GAK: variants seen among roughly 807,000 people sequenced by gnomAD.
The protein encoded by GAK is cyclin G associated kinase.
GAK carries 79 observed loss-of-function variants against 143.9 expected under a neutral mutation model. The ratio of observed to expected loss-of-function variants is 0.55; its 90% CI spans 0.46 to 0.66. The LOEUF (loss-of-function observed/expected upper bound fraction) is 0.66. Ranked by LOEUF, GAK falls within the 30% of genes least tolerant of loss-of-function variation. GAK has a pLI of 0.00. For synonymous variants in GAK, 881 were observed against 765.5 expected, an observed-to-expected ratio of 1.15 and a Z score of -2.49; for missense variants, 1,693 against 1,779.7, an observed-to-expected ratio of 0.95 and a Z score of 0.88.
At chr4:930,893 G>C (rs565367489) in intron 1 of GAK, among the ~76,000 whole-genome samples, 12 of 152,290 alleles carry the variant, frequency 7.9e-5, no homozygotes, top group African/African-American at 2.4e-4. Flanking sequence ...ATAGTCTCCT[G>C]TCTGGTCACA....
At chr4:913,169 G>C (rs1432362753) in intron 2 of GAK, among the ~76,000 whole-genome samples, 3 of 152,262 alleles carry the variant, frequency 2.0e-5, no homozygotes, top group Admixed American at 2.0e-4. Flanking sequence ...CTGGTGCCCA[G>C]CGTGGTGACA....
At chr4:914,322 C>T (rs1330148718) in intron 1 of GAK, among the ~76,000 whole-genome samples, 1 of 123,496 alleles carries the variant, frequency 8.1e-6, no homozygotes, top group East Asian at 2.6e-4. Context: ...CACACACAGC[C>T]TCAGCGTGCC....
intron 24 of GAK, 131 bp from the exon 25 acceptor site, chr4:852,105 G>T: frequency 2.5e-6 from 2 of 805,072 alleles, no homozygotes; most frequent in Non-Finnish European, 4.1e-6. Flanking sequence ...ACTCGAGGCC[G>T]TCCAGAGGTG....
At chr4:854,524 C>T (rs1200533402) in intron 24 of GAK, among the ~76,000 whole-genome samples, 2 of 152,184 alleles carry the variant, frequency 1.3e-5, no homozygotes, top group Non-Finnish European at 2.9e-5. Context: ...TTCTGTAGAA[C>T]GAGGGCTTAG....
chr4:865,630 A>G (rs963065049), intron 22 of GAK, among the ~76,000 whole-genome samples: 5 of 152,134 alleles, frequency 3.3e-5, no homozygotes, highest in African/African-American at 1.2e-4. Flanking sequence ...CGGCAGACAG[A>G]GGGCCCAGCA....
At chr4:862,084 G>C (rs1750382960) in intron 23 of GAK, among the ~76,000 whole-genome samples, 1 of 152,026 alleles carries the variant, frequency 6.6e-6, no homozygotes, top group South Asian at 2.1e-4. Context: ...GCACCCGCCA[G>C]ACTCTCCATG....
chr4:883,409 T>C lies in GAK; in HGVS notation c.1310A>G (p.Asp437Gly). ...VESALKNNIE[D>G]VRLFLDSKHP... ...CTTGGAGTCCAGGAACAACCGCACATCTTCGATGTTGTTTTTGAGCGCTGA... is the reference window on the plus strand; with the variant it reads ...CTTGGAGTCCAGGAACAACCGCACACCTTCGATGTTGTTTTTGAGCGCTGA... Residue 437 changes from aspartate to glycine, a missense_variant, in exon 13 of 28, where the codon GAT becomes GGT. Asp to Gly is a moderately conservative substitution (Grantham distance 94). Transcript: ENST00000314167. 1 of 1,613,788 alleles carries C rather than the reference T, an allele frequency of 6.2e-7. No homozygotes were observed. Among genetic ancestry groups the C allele is most frequent in the Non-Finnish European group, 8.5e-7 (1 of 1,179,998 alleles).
chr4:929,917 C>T (rs553164298), intron 1 of GAK, among the ~76,000 whole-genome samples: 43 of 152,302 alleles, frequency 2.8e-4, no homozygotes, highest in South Asian at 1.2e-3. Context: ...CTTTAATTAT[C>T]CCACAGTGAG....
At chr4:856,724 TCAC>T (rs1326485166) in intron 24 of GAK, among the ~76,000 whole-genome samples, 2 of 150,882 alleles carry the variant, frequency 1.3e-5, no homozygotes, top group Non-Finnish European at 2.9e-5. Context: ...CCACAGCTGC[TCAC>T]CACAGCTGCT....
intron 19 of GAK, chr4:869,039 C>A (rs1711712449): frequency 1.1e-5 from 3 of 270,792 alleles, no homozygotes; most frequent in Non-Finnish European, 1.4e-5. Flanking sequence ...CACAGGCGCA[C>A]AGTACACACA....
intron 15 of GAK, among the ~76,000 whole-genome samples, chr4:880,636 C>T (rs1714904993): frequency 1.3e-5 from 2 of 152,232 alleles, no homozygotes; most frequent in South Asian, 4.1e-4. Flanking sequence ...CTCTTTCTGG[C>T]CTCCTTCTCT....
At chr4:862,383 T>C (rs773223335) in intron 23 of GAK, among the ~76,000 whole-genome samples, 1 of 152,116 alleles carries the variant, frequency 6.6e-6, no homozygotes, top group African/African-American at 2.4e-5. Flanking sequence ...CCGGCTGAGA[T>C]CACTGATGAT....
At chr4:922,721 G>A (rs1470546272) in intron 1 of GAK, among the ~76,000 whole-genome samples, 1 of 152,058 alleles carries the variant, frequency 6.6e-6, no homozygotes, top group African/African-American at 2.4e-5. Flanking sequence ...GGAATGTATG[G>A]CCACTCAAGA....
chr4:919,034 G>C (rs1382466576), intron 1 of GAK, among the ~76,000 whole-genome samples: 1 of 120,060 alleles, frequency 8.3e-6, no homozygotes, highest in Non-Finnish European at 1.8e-5. Flanking sequence ...CATGACCTTA[G>C]AAAGACAGAA....
Position 866,549 on chromosome 4 carries a change from G to T in GAK, c.2873-15C>A. The stretch of plus-strand genomic sequence containing the variant: ...AAAGGGGTCAGCTGTGGGGACAGGC[G>T]GGCATGGGGAGGACTCAGCCCGGCT... On this transcript the variant is annotated splice_polypyrimidine_tract_variant and intron_variant, in intron 21 of 27. Coordinates refer to ENST00000314167, the MANE Select transcript of GAK (RefSeq NM_005255.4). The T allele has an allele frequency of 6.2e-7, 1 of 1,611,122 alleles. No individual in the cohort carries two copies.
At position 890,547 on chromosome 4, in the gene GAK, T is replaced by C. The variant is rs781728711; in HGVS notation, c.1066A>G (p.Ser356Gly). 19 of 1,609,298 alleles carry C rather than the reference T, an allele frequency of 1.2e-5. No individual in the cohort carries two copies. In the East Asian group the frequency reaches 4.3e-4, roughly 36 times the overall value. Residue 356 changes from serine to glycine, a missense_variant, in exon 10 of 28, where the codon AGT (serine) becomes GGT (glycine). Around this residue, in one of 2 missense-constraint regions of GAK, gnomAD observed 871 missense variants for 991.0 expected, o/e 0.88. Transcript: ENST00000314167. ...GGGCACTCACCTCCACTGTAGCCAC[T>C]GCCAGCGGGGCCCACGGGAGGGGGT... ...GPPPPVGPAG[S>G]GYSGGLALAE... is the part of the protein sequence containing the mutation.
chr4:912,892 G>A, intron 2 of GAK, 98 bp from the exon 3 acceptor site: 2 of 1,009,682 alleles, frequency 2.0e-6, no homozygotes, highest in Non-Finnish European at 3.1e-6. Flanking sequence ...ACAGAGCAAT[G>A]CAATGTGTCT....
rs113162129 is a variant in GAK, at chr4:883,133, G to A, written c.1404+182C>T. On this transcript the variant is annotated intron_variant, in intron 13 of 27. Coordinates refer to ENST00000314167, the MANE Select transcript of GAK (RefSeq NM_005255.4). ...GGGCCTCCAGAGTTCCCGGCAAGCG[G>A]CATCCTCAGAGCAACAGAGACCCCA... Among the ~76,000 whole-genome samples the A allele has an allele frequency of 9.9e-3, 1,513 of 152,324 alleles. 12 individuals are homozygous for A. The highest frequency in any genetic ancestry group is 0.015 in the Non-Finnish European group (1,046 of 68,018).
In GAK at chr4:856,658, T is replaced by C. The variant is rs1305223048; in HGVS notation, c.3283+2948A>G. Among the ~76,000 whole-genome samples, 78 of 41,796 alleles carry C rather than the reference T, an allele frequency of 1.9e-3. 1 individual carries two copies. The highest frequency in any genetic ancestry group is 0.015 in the South Asian group (17 of 1,118). The allele number at this position is 41,796 out of a possible 152,430, so 27.4% of individuals were successfully genotyped here. The stretch of plus-strand genomic sequence containing the variant: ...CACAGCTGCTCACACCTGCTCACCA[T>C]AGCTCACCACAGCTGCTCACACCTG... On this transcript the variant is annotated intron_variant, in intron 24 of 27. Coordinates refer to ENST00000314167, the MANE Select transcript of GAK (RefSeq NM_005255.4).
Sources: gnomAD v4.1 joint callset for allele counts (sites outside exome capture counted in the v4.1 genomes callset) on GRCh38, gnomAD v4.1.1 for gene constraint, gnomAD v4.1.1 regional missense constraint, MANE v1.5 for transcripts, NCBI Gene and HGNC (gene_info 2026-07-23, HGNC 2026-07-21) for gene names.